The following KLRG1 variants were observed in gnomAD, a reference collection of about 807,000 sequenced individuals.
KLRG1 encodes the protein killer cell lectin like receptor G1.
Under a neutral mutation model 21.8 loss-of-function variants are expected in KLRG1, and 16 were observed. The observed-to-expected ratio is 0.73, with a 90% CI of 0.50 to 1.11. The LOEUF (loss-of-function observed/expected upper bound fraction) is 1.11. Among genes scored for constraint, KLRG1 ranks in the 50% most tolerant of loss-of-function variants. The pLI is 0.00. For missense variants in KLRG1, 173 were observed against 218.3 expected (o/e 0.79, Z 1.31); for synonymous variants, 69 against 75.9 (o/e 0.91, Z 0.47).
the KLRG1 span, among the ~76,000 whole-genome samples, chr12:9,145,541 TTTCTC>T: frequency 6.6e-6 from 1 of 152,250 alleles, no homozygotes; most frequent in South Asian, 2.1e-4. Flanking sequence ...TTTTAATACT[TTTCTC>T]TTTTAACTTT....
chr12:9,073,445 C>T, the KLRG1 span, among the ~76,000 whole-genome samples: 5 of 152,154 alleles, frequency 3.3e-5, no homozygotes, highest in Admixed American at 2.0e-4. Flanking sequence ...ATTTCCTGTT[C>T]CCAGTGAATG....
chr12:9,094,128 C>T, the KLRG1 span, among the ~76,000 whole-genome samples: 1 of 151,978 alleles, frequency 6.6e-6, no homozygotes, highest in Non-Finnish European at 1.5e-5. Context: ...CATTGGTGTG[C>T]TCCTCTGCAG....
chr12:9,122,322 A>G, the KLRG1 span, among the ~76,000 whole-genome samples: 2 of 152,192 alleles, frequency 1.3e-5, no homozygotes, highest in Non-Finnish European at 2.9e-5. Flanking sequence ...ATGACCCTTA[A>G]CCATAGGAGC....
chr12:9,142,489 G>A, the KLRG1 span, among the ~76,000 whole-genome samples: 15 of 152,132 alleles, frequency 9.9e-5, no homozygotes, highest in Non-Finnish European at 1.8e-4. Flanking sequence ...ATTTTACTGT[G>A]CCAGTAAGTT....
At chr12:9,068,046 G>T in the KLRG1 span, 1 of 1,112,358 alleles carries the variant, frequency 9.0e-7, no homozygotes, top group Non-Finnish European at 1.3e-6. Context: ...CAATAAATGT[G>T]TTTTTCTATA....
At chr12:9,208,026 A>C in the KLRG1 span, among the ~76,000 whole-genome samples, 1 of 152,198 alleles carries the variant, frequency 6.6e-6, no homozygotes. Context: ...TTATTTAATC[A>C]TGCTTCCTAG....
chr12:8,989,408 TA>T, upstream of KLRG1: 1 of 366,004 alleles, frequency 2.7e-6, no homozygotes, highest in East Asian at 5.4e-5. Flanking sequence ...CAATTTAATA[TA>T]TATTTAGTGA....
the KLRG1 span, chr12:9,160,967 A>C: frequency 9.4e-6 from 12 of 1,274,506 alleles, no homozygotes; most frequent in Admixed American, 1.7e-5. Context: ...TCAAATACAA[A>C]TACGTAGATA....
the KLRG1 span, chr12:9,169,318 GA>G: frequency 4.6e-6 from 5 of 1,095,070 alleles, no homozygotes; most frequent in Admixed American, 3.0e-5. Context: ...TTTGTCTGCT[GA>G]AAAATGGAGA....
At chr12:9,187,847 A>G in the KLRG1 span, among the ~76,000 whole-genome samples, 2 of 152,256 alleles carry the variant, frequency 1.3e-5, no homozygotes, top group Non-Finnish European at 2.9e-5. Context: ...TGAAAGTTAC[A>G]GCAACGGAAG....
At chr12:9,094,193 C>T in the KLRG1 span, among the ~76,000 whole-genome samples, 1 of 151,964 alleles carries the variant, frequency 6.6e-6, no homozygotes, top group Admixed American at 6.6e-5. Flanking sequence ...AAACAGTTTA[C>T]AGGAGGGAAA....
the KLRG1 span, chr12:9,194,158 G>A: frequency 6.2e-7 from 1 of 1,613,830 alleles, no homozygotes; most frequent in Admixed American, 1.7e-5. Context: ...TGGTTGCATT[G>A]GAGTAATAAT....
chr12:9,147,140 A>G, the KLRG1 span, among the ~76,000 whole-genome samples: 2 of 152,028 alleles, frequency 1.3e-5, no homozygotes, highest in East Asian at 3.9e-4. Flanking sequence ...ACATGGATCA[A>G]CTCTTTCTCT....
chr12:9,134,195 A>G, the KLRG1 span, among the ~76,000 whole-genome samples: 2 of 152,184 alleles, frequency 1.3e-5, no homozygotes, highest in African/African-American at 2.4e-5. Flanking sequence ...ACAAGGGACT[A>G]CAGAACCCAT....
At chr12:8,976,135 T>A (rs750813566) in intron 1 of KLRG1, among the ~76,000 whole-genome samples, 1 of 152,174 alleles carries the variant, frequency 6.6e-6, no homozygotes, top group Admixed American at 6.5e-5. Context: ...TTGCTTTTAC[T>A]GCATCCCATA....
chr12:9,167,962 T>C, the KLRG1 span, among the ~76,000 whole-genome samples: 1 of 152,200 alleles, frequency 6.6e-6, no homozygotes, highest in African/African-American at 2.4e-5. Context: ...GTTTGAAATT[T>C]GTGCTATCAT....
intron 3 of KLRG1, among the ~76,000 whole-genome samples, chr12:9,005,833 T>G (rs1480647257): frequency 6.6e-6 from 1 of 152,180 alleles, no homozygotes; most frequent in Non-Finnish European, 1.5e-5. Context: ...ACATGTGCAG[T>G]TCACGATAGT....
chr12:9,068,113 T>C, the KLRG1 span: 34 of 1,521,320 alleles, frequency 2.2e-5, no homozygotes, highest in Middle Eastern at 3.5e-4. Flanking sequence ...CAGCGTTTTA[T>C]GAAGGAGAAG....
upstream of KLRG1, among the ~76,000 whole-genome samples, chr12:8,987,016 T>C (rs768642360): frequency 2.0e-5 from 3 of 152,224 alleles, no homozygotes; most frequent in Non-Finnish European, 4.4e-5. Flanking sequence ...ATGCTTCCTG[T>C]ACATCTTGCA....
Sources: allele counts gnomAD v4.1 joint callset (sites outside exome capture counted in the v4.1 genomes callset), GRCh38; gene constraint gnomAD v4.1.1; transcripts MANE v1.5; gene names NCBI Gene and HGNC (gene_info 2026-07-23, HGNC 2026-07-21).